Variants in RARB observed in about 807,000 individuals in gnomAD.
RARB encodes the protein HBV-activated protein.
RARB carries 17 observed loss-of-function variants against 51.9 expected under a neutral mutation model. That is an observed-to-expected ratio of 0.33 (90% CI 0.22 to 0.49). RARB has a LOEUF of 0.49. Among genes scored for constraint, RARB ranks in the 20% least tolerant of loss-of-function variants. RARB has a pLI of 0.99. For synonymous variants in RARB, 215 were observed against 195.4 expected, an observed-to-expected ratio of 1.10 and a Z score of -0.84; for missense variants, 369 against 550.8, an observed-to-expected ratio of 0.67 and a Z score of 3.30.
intron 5 of RARB, among the ~76,000 whole-genome samples, chr3:25,265,254 G>A (rs1703097380): frequency 6.6e-6 from 1 of 152,252 alleles, no homozygotes; most frequent in South Asian, 2.1e-4. Flanking sequence ...AGGAAAAACA[G>A]AAGACCAATT....
intron 5 of RARB, among the ~76,000 whole-genome samples, chr3:25,259,228 T>G (rs934168991): frequency 1.3e-5 from 2 of 152,104 alleles, no homozygotes; most frequent in Non-Finnish European, 2.9e-5. Flanking sequence ...TAGCATTCCC[T>G]TTCCATAATA....
intron 3 of RARB, among the ~76,000 whole-genome samples, chr3:25,090,525 T>C (rs1182036976): frequency 1.3e-5 from 2 of 152,118 alleles, no homozygotes; most frequent in Non-Finnish European, 2.9e-5. Flanking sequence ...ACAAATATCA[T>C]TCTGAACACT....
Position 25,195,050 on chromosome 3 carries a change from G to T in RARB, c.178+20475G>T, listed in dbSNP as rs1701198174. ...AAGCTTTAACAAAAAAGTTTCAAAT[G>T]TGTCTCTAAAAGTGTGTGCTTGACA... On this transcript the variant is annotated intron_variant, in intron 5 of 11. Coordinates refer to the RARB transcript ENST00000383772. 2.6e-5 allele frequency among the ~76,000 whole-genome samples: 4 copies of T among 152,010 alleles called. No homozygotes were observed. The South Asian group carries it at 8.3e-4, about 31-fold the overall frequency.
intron 3 of RARB, among the ~76,000 whole-genome samples, chr3:25,061,944 A>C (rs968319207): frequency 5.9e-5 from 9 of 151,876 alleles, no homozygotes; most frequent in African/African-American, 1.9e-4. Context: ...TCAGTAGAAC[A>C]GCACATCTGG....
intron 5 of RARB, among the ~76,000 whole-genome samples, chr3:25,279,798 T>C (rs1180267836): frequency 6.6e-6 from 1 of 152,140 alleles, no homozygotes; most frequent in African/African-American, 2.4e-5. Flanking sequence ...GTAATATCAC[T>C]GTGGGTAATT....
At chr3:25,544,026 G>A (rs1699502494) in intron 3 of RARB, among the ~76,000 whole-genome samples, 1 of 152,146 alleles carries the variant, frequency 6.6e-6, no homozygotes, top group Non-Finnish European at 1.5e-5. Flanking sequence ...GGTAATAAAG[G>A]ACTGACGGGA....
At chr3:25,552,036 T>G (rs1699871099) in intron 3 of RARB, among the ~76,000 whole-genome samples, 1 of 152,182 alleles carries the variant, frequency 6.6e-6, no homozygotes, top group Admixed American at 6.5e-5. Context: ...CATAGCCCAC[T>G]GAGCTGGCCC....
chr3:25,481,768 T>C (rs1020369525), intron 2 of RARB, among the ~76,000 whole-genome samples: 6 of 152,248 alleles, frequency 3.9e-5, no homozygotes, highest in African/African-American at 1.4e-4. Context: ...TTGCACCTTT[T>C]ACCACTTCCA....
At chr3:25,425,783 A>G (rs540662797), upstream of RARB, among the ~76,000 whole-genome samples, 28 of 152,320 alleles carry the variant, frequency 1.8e-4, no homozygotes, top group African/African-American at 6.7e-4. Context: ...CTGATTCCAT[A>G]GCTTAAGAAA....
intron 1 of RARB, among the ~76,000 whole-genome samples, chr3:24,830,995 T>TTA (rs1702274463): frequency 6.6e-6 from 1 of 152,214 alleles, no homozygotes; most frequent in South Asian, 2.1e-4. Flanking sequence ...TCGAGCCATG[T>TTA]TAAAGTAAGT....
At chr3:24,981,776 C>T (rs1173578708) in intron 2 of RARB, among the ~76,000 whole-genome samples, 2 of 152,244 alleles carry the variant, frequency 1.3e-5, no homozygotes, top group Middle Eastern at 3.4e-3. Flanking sequence ...TTCAGCTCAC[C>T]TTCCATGTGC....
At chr3:25,106,402 A>G (rs1699500506) in intron 3 of RARB, among the ~76,000 whole-genome samples, 1 of 149,138 alleles carries the variant, frequency 6.7e-6, no homozygotes, top group Admixed American at 6.8e-5. Context: ...CAGCCTCCCG[A>G]GTAGCTGGGA....
At chr3:24,969,051 T>C (rs1170881235) in intron 2 of RARB, among the ~76,000 whole-genome samples, 1 of 152,062 alleles carries the variant, frequency 6.6e-6, no homozygotes, top group African/African-American at 2.4e-5. Context: ...ATAGAAAAAT[T>C]GTGATTTGTA....
chr3:25,209,974 C>A (rs907713693), intron 5 of RARB, among the ~76,000 whole-genome samples: 3 of 152,278 alleles, frequency 2.0e-5, no homozygotes, highest in Non-Finnish European at 2.9e-5. Flanking sequence ...GATAATCCCT[C>A]TTCTGACATA....
At chr3:25,506,121 C>T (rs75074271) in intron 3 of RARB, among the ~76,000 whole-genome samples, 8,016 of 151,912 alleles carry the variant, frequency 0.053, 262 homozygotes, top group Non-Finnish European at 0.077. Context: ...GGCATGGTAG[C>T]GCGCTCCTAT....
chr3:25,261,694 A>T (rs1484732417), intron 5 of RARB, among the ~76,000 whole-genome samples: 6 of 152,084 alleles, frequency 3.9e-5, no homozygotes, highest in Non-Finnish European at 2.9e-5. Flanking sequence ...CGCCTAAATG[A>T]ATTCTTGTTC....
chr3:25,048,254 G>A (rs970299257), intron 2 of RARB, among the ~76,000 whole-genome samples: 28 of 152,082 alleles, frequency 1.8e-4, no homozygotes, highest in African/African-American at 6.0e-4. Flanking sequence ...AAAAGCACTG[G>A]ATTGAAAAAT....
intron 1 of RARB, among the ~76,000 whole-genome samples, chr3:25,456,115 A>G (rs749814572): frequency 9.2e-5 from 14 of 152,236 alleles, no homozygotes; most frequent in Non-Finnish European, 1.9e-4. Context: ...TTATCATTCC[A>G]TAGACTGATT....
At chr3:25,258,021 T>G (rs1343115542) in intron 5 of RARB, among the ~76,000 whole-genome samples, 1 of 152,136 alleles carries the variant, frequency 6.6e-6, no homozygotes, top group Non-Finnish European at 1.5e-5. Flanking sequence ...TGTGTACATC[T>G]CCCTTATAAT....
Sources: allele counts gnomAD v4.1 joint callset (sites outside exome capture counted in the v4.1 genomes callset), GRCh38; gene constraint gnomAD v4.1.1; transcripts MANE v1.5; gene names NCBI Gene and HGNC (gene_info 2026-07-23, HGNC 2026-07-21).